IGLON5: variants seen among roughly 807,000 people sequenced by gnomAD.
IGLON5 encodes the protein IgLON family member 5.
In IGLON5, 16 loss-of-function variants were observed where a neutral mutation model predicts 38.2. The ratio of observed to expected loss-of-function variants is 0.42; its 90% confidence interval spans 0.28 to 0.64. The LOEUF (loss-of-function observed/expected upper bound fraction) is 0.64, where lower values mean the gene tolerates loss of function less well. Among genes scored for constraint, IGLON5 ranks in the 30% least tolerant of loss-of-function variants. The pLI is 0.23. For synonymous variants in IGLON5, 207 were observed against 216.4 expected, an observed-to-expected ratio of 0.96 and a Z score of 0.38; for missense variants, 366 against 483.4, an observed-to-expected ratio of 0.76 and a Z score of 2.28.
At chr19:51,322,337 GGA>G (rs900507761) in intron 2 of IGLON5, among the ~76,000 whole-genome samples, 195 bp downstream of exon 2, 3 of 152,114 alleles carry the variant, frequency 2.0e-5, no homozygotes, top group Admixed American at 6.5e-5. Flanking sequence ...TCAAAGGGGT[GGA>G]GAGAGGGGGC....
At chr19:51,320,546 C>T (rs188431857) in intron 1 of IGLON5, among the ~76,000 whole-genome samples, 4 of 152,302 alleles carry the variant, frequency 2.6e-5, no homozygotes, top group Admixed American at 6.5e-5. Context: ...GAGATGACTG[C>T]GTGGGGGTGA....
In IGLON5 at chr19:51,311,854, C is replaced by G. The variant is rs576949224; in HGVS notation, c.7C>G (p.Pro3Ala). The G allele has an allele frequency of 3.5e-3, 4,537 of 1,306,626 alleles. 10 individuals carry two copies. Among genetic ancestry groups the G allele is most frequent in the Middle Eastern group, 0.012 (41 of 3,394 alleles). 80.9% of individuals were successfully genotyped at this position (1,306,626 alleles called of 1,614,324 possible). ...CCGCGCCGCCTCTGCCGCGATGCCC[C>G]CCCCTGCGCCCGGGGCCCGGCTCCG... MP[P>A]PAPGARLRLL... Residue 3 changes from proline (P) to alanine (A), a missense_variant, in exon 1 of 8, where the codon CCC (proline) becomes GCC (alanine). Physicochemically the swap from Pro to Ala is conservative, Grantham distance 27 (BLOSUM62 -1). Transcript: ENST00000270642.
intron 1 of IGLON5, among the ~76,000 whole-genome samples, chr19:51,320,914 T>C (rs1274131367): frequency 2.0e-5 from 3 of 152,206 alleles, no homozygotes; most frequent in Non-Finnish European, 2.9e-5. Context: ...CACGTATATA[T>C]GTGTGTTTCT....
intron 4 of IGLON5, among the ~76,000 whole-genome samples, chr19:51,326,447 C>T (rs1455593787): frequency 6.6e-6 from 1 of 152,172 alleles, no homozygotes; most frequent in Non-Finnish European, 1.5e-5. Context: ...GGATCCCCCT[C>T]CCCATTGGGG....
chr19:51,312,061 GC>G (rs1984779579), intron 1 of IGLON5, 135 bp downstream of exon 1: 1 of 411,190 alleles, frequency 2.4e-6, no homozygotes, highest in Middle Eastern at 7.2e-4. Flanking sequence ...CGGGGTCTGG[GC>G]CCGGGGGTGG....
chr19:51,322,786 G>T (rs1203989762), intron 2 of IGLON5, among the ~76,000 whole-genome samples: 1 of 149,794 alleles, frequency 6.7e-6, no homozygotes, highest in Non-Finnish European at 1.5e-5. Flanking sequence ...CTCTCTCTCT[G>T]GGTCTCTGCC....
chr19:51,323,609 A>T, intron 2 of IGLON5, 53 bp from the exon 3 acceptor site: 2 of 1,485,598 alleles, frequency 1.3e-6, no homozygotes, highest in East Asian at 2.4e-5. Flanking sequence ...TCGGTGGGGG[A>T]AGCCTCAGGC....
intron 1 of IGLON5, 150 bp from the exon 2 acceptor site, chr19:51,321,914 C>A (rs559595173): frequency 1.5e-6 from 1 of 674,792 alleles, no homozygotes; most frequent in Non-Finnish European, 2.6e-6. Context: ...TCCGCAAGGA[C>A]GTGTGTGTGC....
chr19:51,322,166 C>A, intron 2 of IGLON5, 24 bp downstream of exon 2: 1 of 1,574,758 alleles, frequency 6.4e-7, no homozygotes, highest in Non-Finnish European at 8.7e-7. Context: ...TGGGTGGGGA[C>A]TCAGATCTCA....
rs774676410 is a variant in IGLON5 at position 51,327,693 on chromosome 19, G to A, written c.768-39G>A. The A allele has an allele frequency of 3.0e-5, 46 of 1,543,638 alleles. No homozygotes were observed. Among genetic ancestry groups the A allele is most frequent in the African/African-American group, 5.5e-5 (4 of 73,058 alleles). ...TGAGAGTCGGGGGGCTGGCCTGGCT[G>A]GGCGCTGCGGCCCGGCCCCTGACCC... On this transcript the variant is annotated intron_variant, in intron 6 of 7. Coordinates refer to ENST00000270642, the MANE Select transcript of IGLON5 (RefSeq NM_001101372.3). This position sits in a 1 kb window ranked among gnomAD's most constrained non-coding sequence, Gnocchi z 7.1.
At chr19:51,320,709 T>C (rs1985033741) in intron 1 of IGLON5, among the ~76,000 whole-genome samples, 1 of 152,160 alleles carries the variant, frequency 6.6e-6, no homozygotes, top group African/African-American at 2.4e-5. Flanking sequence ...GCATCTGTGA[T>C]GGATGTGTGT....
chr19:51,325,220 G>T lies in IGLON5; in HGVS notation c.392-126G>T, dbSNP rs1470588177. ...CCGGGTCTGAGGGAGGAGGGGCTGG[G>T]GGTCTGAACTCCTGGGTCTGAGGGA... On this transcript the variant is annotated intron_variant, in intron 3 of 7. Coordinates refer to ENST00000270642, the MANE Select transcript of IGLON5 (RefSeq NM_001101372.3). This position sits in a 1 kb window ranked among gnomAD's most constrained non-coding sequence, Gnocchi z 5.5. 4.4e-6 allele frequency: 6 copies of T among 1,348,828 alleles called. No individual in the cohort carries two copies. Among genetic ancestry groups the T allele is most frequent in the Non-Finnish European group, 5.1e-6 (5 of 982,672 alleles). The allele number at this position is 1,348,828 out of a possible 1,614,324, so 83.6% of individuals were successfully genotyped here. A position where few individuals can be genotyped will look rare whatever the true frequency, so the allele number is the denominator to read the frequency against.
In IGLON5 at chr19:51,327,772, G is replaced by A; in HGVS notation, c.808G>A (p.Glu270Lys). Reference protein sequence around the residue: ...GTAEGLKVQTERTRSMLLFAN... With the variant: ...GTAEGLKVQTKRTRSMLLFAN... Reference sequence around the variant, plus strand: ...GGCCGAAGGCCTGAAGGTGCAGACGGAGCGCACCCGCTCGATGCTTCTCTT... The same window carrying A: ...GGCCGAAGGCCTGAAGGTGCAGACGAAGCGCACCCGCTCGATGCTTCTCTT... The change falls in exon 7 of 8, where the codon GAG becomes AAG. Residue 270 changes from glutamate to lysine, a missense_variant. Transcript: ENST00000270642. The surrounding 1 kb of genome is among the most constrained non-coding windows in gnomAD (Gnocchi z 7.1). The A allele has an allele frequency of 6.3e-7, 1 of 1,576,298 alleles. No individual in the cohort carries two copies. The highest frequency in any genetic ancestry group is 8.6e-7 in the Non-Finnish European group (1 of 1,163,084).
In IGLON5 at chr19:51,327,318, C is replaced by T; in HGVS notation, c.767+118C>T. 1 of 1,371,804 alleles carries T rather than the reference C, an allele frequency of 7.3e-7. No individual in the cohort carries two copies. The highest frequency in any genetic ancestry group is 9.9e-7 in the Non-Finnish European group (1 of 1,013,410). The allele number at this position is 1,371,804 out of a possible 1,614,324, so 85.0% of individuals were successfully genotyped here. On this transcript the variant is annotated intron_variant, in intron 6 of 7. Transcript: ENST00000270642. The surrounding 1 kb of genome is among the most constrained non-coding windows in gnomAD (Gnocchi z 7.1). The stretch of plus-strand genomic sequence containing the variant: ...AGGCAGCAGAGCTCTGGGTCCCGAA[C>T]CTGGGGCGTCCAGCTTCTAGGTGAT...
chr19:51,325,212 G>A lies in IGLON5; in HGVS notation c.392-134G>A. ...CTGAACTCCCGGGTCTGAGGGAGGA[G>A]GGGCTGGGGGTCTGAACTCCTGGGT... On this transcript the variant is annotated intron_variant, in intron 3 of 7. Transcript: ENST00000270642. The surrounding 1 kb of genome is among the most constrained non-coding windows in gnomAD (Gnocchi z 5.5). 1.6e-6 allele frequency: 2 copies of A among 1,279,050 alleles called. No individual in the cohort carries two copies. Among genetic ancestry groups the A allele is most frequent in the Non-Finnish European group, 2.2e-6 (2 of 924,910 alleles). The allele number at this position is 1,279,050 out of a possible 1,614,324, so 79.2% of individuals were successfully genotyped here.
intron 4 of IGLON5, 115 bp from the exon 5 acceptor site, chr19:51,326,649 G>C (rs1985221581): frequency 1.0e-5 from 4 of 388,998 alleles, no homozygotes; most frequent in Non-Finnish European, 1.8e-5. Context: ...ATTGACCCGG[G>C]CACTCCAGGC....
At chr19:51,322,699 CTG>C (rs887828659) in intron 2 of IGLON5, among the ~76,000 whole-genome samples, 3 of 141,534 alleles carry the variant, frequency 2.1e-5, no homozygotes, top group East Asian at 4.8e-4. Context: ...CTGTCCTTCT[CTG>C]TGTGTGTGTC....
In IGLON5 at chr19:51,329,022, C is replaced by T. The variant is rs1164285301; in HGVS notation, c.*263C>T. ...TCCGATTGTGACCCACTCCCGCCAC[C>T]CCATACCCCTCTCTCTTAGCTCAGG... is the stretch of plus-strand genomic sequence containing the variant. On this transcript the variant is annotated 3_prime_UTR_variant, in exon 8 of 8. Transcript: ENST00000270642. The surrounding 1 kb of genome is among the most constrained non-coding windows in gnomAD (Gnocchi z 4.3). 5.2e-6 allele frequency: 2 copies of T among 388,016 alleles called. No homozygotes were observed. The highest frequency in any genetic ancestry group is 7.5e-5 in the South Asian group (2 of 26,600). 24.0% of individuals were successfully genotyped at this position (388,016 alleles called of 1,614,324 possible).
chr19:51,325,445 T>C lies in IGLON5; in HGVS notation c.491T>C (p.Val164Ala). 6.2e-7 allele frequency: 1 copy of C among 1,613,374 alleles called. No individual in the cohort carries two copies. Among genetic ancestry groups the C allele is most frequent in the Non-Finnish European group, 8.5e-7 (1 of 1,179,592 alleles). The change falls in exon 4 of 8, where the codon GTC becomes GCC. Residue 164 changes from valine (V) to alanine (A), a missense_variant. By Grantham distance (64) the Val-to-Ala change is moderately conservative. Transcript: ENST00000270642. This position sits in a 1 kb window ranked among gnomAD's most constrained non-coding sequence, Gnocchi z 5.5. ...GCCGTGGGGCGGCCAGAGCCCACGG[T>C]CACCTGGAGACAGCTCCGAGGTGAG... ...CLAVGRPEPT[V>A]TWRQLRDGFT...
Sources: allele counts gnomAD v4.1 joint callset (sites outside exome capture counted in the v4.1 genomes callset), GRCh38; gene constraint gnomAD v4.1.1; non-coding constraint Gnocchi (gnomAD v3.1); transcripts MANE v1.5; gene names NCBI Gene and HGNC (gene_info 2026-07-23, HGNC 2026-07-21).